Variants in GRIK2 observed in about 807,000 individuals in gnomAD.
GRIK2 encodes glutamate ionotropic receptor kainate type subunit 2.
GRIK2 carries 32 observed loss-of-function variants against 100.3 expected under a neutral mutation model. The observed-to-expected ratio is 0.32, with a 90% CI of 0.24 to 0.43. The LOEUF (loss-of-function observed/expected upper bound fraction) is 0.43, where lower values mean the gene tolerates loss of function less well. GRIK2 is among the 20% of genes least tolerant of loss of function. GRIK2 has a pLI of 1.00. For synonymous variants in GRIK2, 417 were observed against 389.4 expected, an observed-to-expected ratio of 1.07 and a Z score of -0.83; for missense variants, 843 against 1,114.9, an observed-to-expected ratio of 0.76 and a Z score of 3.47.
chr6:101,490,092 G>C lies in GRIK2; in HGVS notation c.115+90700G>C, dbSNP rs76041507. ...AAAAAGACACAGAGGATACAGCATG[G>C]TCTTTATTTACAACAATTTTTTACT... On this transcript the variant is annotated intron_variant, in intron 2 of 16. Coordinates refer to ENST00000369134, the MANE Select transcript of GRIK2 (RefSeq NM_021956.5). Among the ~76,000 whole-genome samples, 637 of 144,650 alleles carry C rather than the reference G, an allele frequency of 4.4e-3. 91 individuals carry two copies. The highest frequency in any genetic ancestry group is 0.016 in the African/African-American group (609 of 38,326). The allele number at this position is 144,650 out of a possible 152,430, so 94.9% of individuals were successfully genotyped here.
intron 16 of GRIK2, among the ~76,000 whole-genome samples, chr6:102,066,931 C>G (rs1227547047): frequency 1.3e-5 from 2 of 151,546 alleles, no homozygotes; most frequent in East Asian, 3.9e-4. Context: ...CAGAGATTGA[C>G]AGGAAGGTAA....
chr6:101,476,861 G>C (rs1346840938), intron 2 of GRIK2, among the ~76,000 whole-genome samples: 1 of 152,084 alleles, frequency 6.6e-6, no homozygotes, highest in Non-Finnish European at 1.5e-5. Flanking sequence ...AATAGTTCAG[G>C]AAGAGAAAGC....
At position 101,951,611 on chromosome 6, in the gene GRIK2, A is replaced by T. The variant is rs534385357; in HGVS notation, c.2085+22979A>T. The stretch of plus-strand genomic sequence containing the variant: ...TTGAATTGTAGCTCTCATAATCCCC[A>T]CGTGTCATGGGAGGGAACCAGTGGC... On this transcript the variant is annotated intron_variant, in intron 14 of 16. Coordinates refer to ENST00000369134, the MANE Select transcript of GRIK2 (RefSeq NM_021956.5). 6.6e-5 allele frequency among the ~76,000 whole-genome samples: 10 copies of T among 152,248 alleles called. No individual in the cohort carries two copies. In the South Asian group the frequency reaches 2.1e-3, roughly 32 times the overall value.
chr6:101,598,592 TAAA>T (rs75603851), intron 2 of GRIK2, among the ~76,000 whole-genome samples: 163 of 82,386 alleles, frequency 2.0e-3, no homozygotes, highest in African/African-American at 6.8e-3. Flanking sequence ...TCTTCCTTAA[TAAA>T]AAAAAAAAAA....
At chr6:101,596,209 T>C (rs1778921775) in intron 2 of GRIK2, among the ~76,000 whole-genome samples, 1 of 150,870 alleles carries the variant, frequency 6.6e-6, no homozygotes, top group Admixed American at 6.6e-5. Context: ...ACTAATCCTT[T>C]TTTTTTTTCT....
chr6:102,067,427 A>C (rs1247819304), intron 16 of GRIK2, among the ~76,000 whole-genome samples: 2 of 151,744 alleles, frequency 1.3e-5, no homozygotes, highest in East Asian at 3.9e-4. Context: ...TGTCTTAGAA[A>C]TAGTCTAAGT....
chr6:101,407,453 G>GT (rs1463972702), intron 2 of GRIK2, among the ~76,000 whole-genome samples: 1 of 151,982 alleles, frequency 6.6e-6, no homozygotes, highest in African/African-American at 2.4e-5. Context: ...GAATTTTGCT[G>GT]TTTTTTTCAG....
intron 2 of GRIK2, among the ~76,000 whole-genome samples, chr6:101,513,372 T>C (rs903544250): frequency 7.9e-5 from 12 of 152,266 alleles, no homozygotes; most frequent in African/African-American, 2.6e-4. Flanking sequence ...AGTCTTATAG[T>C]GGCTGTCCTT....
intron 7 of GRIK2, among the ~76,000 whole-genome samples, chr6:101,766,791 A>G (rs1481036879): frequency 6.6e-6 from 1 of 152,222 alleles, no homozygotes; most frequent in Non-Finnish European, 1.5e-5. Context: ...GGAAATAGAC[A>G]TGATGTTAAT....
chr6:101,548,999 T>A (rs1562218333), intron 2 of GRIK2, among the ~76,000 whole-genome samples: 1 of 152,134 alleles, frequency 6.6e-6, no homozygotes, highest in East Asian at 1.9e-4. Context: ...GGTTATTGAG[T>A]GTATGATGCT....
intron 11 of GRIK2, among the ~76,000 whole-genome samples, chr6:101,872,602 C>T (rs2128448967): frequency 6.6e-6 from 1 of 151,848 alleles, no homozygotes; most frequent in Non-Finnish European, 1.5e-5. Flanking sequence ...AACCATATTA[C>T]CATCAGTTTT....
At chr6:101,542,908 C>A (rs1213836207) in intron 2 of GRIK2, among the ~76,000 whole-genome samples, 1 of 151,730 alleles carries the variant, frequency 6.6e-6, no homozygotes, top group Admixed American at 6.6e-5. Flanking sequence ...GATTTCAAGC[C>A]GATTGTGTCA....
At chr6:101,447,994 T>G (rs1770472521) in intron 2 of GRIK2, among the ~76,000 whole-genome samples, 1 of 151,838 alleles carries the variant, frequency 6.6e-6, no homozygotes, top group African/African-American at 2.4e-5. Context: ...GACCATAATG[T>G]GAGCATTACT....
In GRIK2 at chr6:101,955,617, C is replaced by CTCTCTCTCTCTCT. The variant is rs1376723314; in HGVS notation, c.2085+26985_2085+26986insTCTCTCTCTCTCT. ...CTCTCTCTCTCTCTCTCTCTCTCTC[C>CTCTCTCTCTCTCT]CCCCCATTTCTTTTACAGTCAGATT... On this transcript the variant is annotated intron_variant, in intron 14 of 16. Coordinates refer to ENST00000369134, the MANE Select transcript of GRIK2 (RefSeq NM_021956.5). Among the ~76,000 whole-genome samples the CTCTCTCTCTCTCT allele has an allele frequency of 1.6e-3, 186 of 116,408 alleles. 7 individuals carry two copies. Among genetic ancestry groups the CTCTCTCTCTCTCT allele is most frequent in the Middle Eastern group, 4.8e-3 (1 of 208 alleles). The allele number at this position is 116,408 out of a possible 152,430, so 76.4% of individuals were successfully genotyped here.
chr6:101,635,735 C>G (rs180865565), intron 4 of GRIK2, among the ~76,000 whole-genome samples: 237 of 152,104 alleles, frequency 1.6e-3, no homozygotes, highest in African/African-American at 5.1e-3. Flanking sequence ...TTGTGGCCAA[C>G]AAACATATGA....
intron 7 of GRIK2, among the ~76,000 whole-genome samples, chr6:101,789,838 G>C (rs2128407019): frequency 6.6e-6 from 1 of 152,290 alleles, no homozygotes; most frequent in Non-Finnish European, 1.5e-5. Flanking sequence ...CTACCCATGA[G>C]CATGGAATGT....
intron 12 of GRIK2, among the ~76,000 whole-genome samples, chr6:101,920,965 T>G (rs2128469114): frequency 6.6e-6 from 1 of 152,036 alleles, no homozygotes; most frequent in Non-Finnish European, 1.5e-5. Context: ...ATTAGAAATT[T>G]GAATAAAAAG....
chr6:101,855,374 T>C (rs1784370237), intron 10 of GRIK2, among the ~76,000 whole-genome samples: 1 of 152,166 alleles, frequency 6.6e-6, no homozygotes, highest in African/African-American at 2.4e-5. Context: ...ATGAGTGCTA[T>C]GAGCAAAACA....
At chr6:101,897,543 G>T (rs1422479039) in intron 12 of GRIK2, among the ~76,000 whole-genome samples, 1 of 151,688 alleles carries the variant, frequency 6.6e-6, no homozygotes, top group Non-Finnish European at 1.5e-5. Flanking sequence ...CCTAAGAAAG[G>T]TCTTCTCAAT....
Sources: gnomAD v4.1 joint callset for allele counts (sites outside exome capture counted in the v4.1 genomes callset) on GRCh38, gnomAD v4.1.1 for gene constraint, MANE v1.5 for transcripts, NCBI Gene and HGNC (gene_info 2026-07-23, HGNC 2026-07-21) for gene names.